GRIK2: variants seen among roughly 807,000 people sequenced by gnomAD.
GRIK2 encodes glutamate ionotropic receptor kainate type subunit 2.
A neutral mutation model predicts 100.3 loss-of-function variants in GRIK2; 32 were observed. The ratio of observed to expected loss-of-function variants is 0.32; its 90% CI spans 0.24 to 0.43. GRIK2 has a LOEUF of 0.43. Among genes scored for constraint, GRIK2 ranks in the 20% least tolerant of loss-of-function variants. The pLI, the probability that GRIK2 is intolerant of heterozygous loss-of-function variation, is 1.00. For missense variants in GRIK2, 843 were observed against 1,114.9 expected, an observed-to-expected ratio of 0.76 and a Z score of 3.47; for synonymous variants, 417 against 389.4, an observed-to-expected ratio of 1.07 and a Z score of -0.83.
At chr6:101,811,403 C>T (rs1446607630) in intron 9 of GRIK2, among the ~76,000 whole-genome samples, 2 of 151,858 alleles carry the variant, frequency 1.3e-5, no homozygotes, top group African/African-American at 2.4e-5. Flanking sequence ...CTTCTTTTTC[C>T]ATCTACCAAC....
chr6:101,398,998 G>A lies in GRIK2; in HGVS notation c.-280G>A. On this transcript the variant is annotated 5_prime_UTR_variant, in exon 2 of 17. Coordinates refer to ENST00000369134, the MANE Select transcript of GRIK2 (RefSeq NM_021956.5). ...CTGCTTTCACAGGCTCGCGCGGCCG[G>A]ACATTGTGGGTGTGCGTGCTGGATT... 1 of 428,070 alleles carries A rather than the reference G, an allele frequency of 2.3e-6. No individual in the cohort carries two copies. The highest frequency in any genetic ancestry group is 4.2e-5 in the Admixed American group (1 of 23,638). The allele number at this position is 428,070 out of a possible 1,614,324, so 26.5% of individuals were successfully genotyped here. A position where few individuals can be genotyped will look rare whatever the true frequency, so the allele number is the denominator to read the frequency against.
intron 14 of GRIK2, among the ~76,000 whole-genome samples, chr6:102,016,286 T>A (rs1429529581): frequency 4.6e-5 from 7 of 152,044 alleles, no homozygotes; most frequent in Admixed American, 3.9e-4. Context: ...ATAGCCAGTA[T>A]AGAAAAAGAA....
chr6:102,067,247 T>C (rs1174913047), intron 16 of GRIK2, among the ~76,000 whole-genome samples: 2 of 151,772 alleles, frequency 1.3e-5, no homozygotes, highest in East Asian at 3.9e-4. Flanking sequence ...ATATTTATTA[T>C]TTTTGCAATG....
intron 4 of GRIK2, among the ~76,000 whole-genome samples, chr6:101,633,704 C>T (rs901949674): frequency 1.3e-5 from 2 of 152,076 alleles, no homozygotes; most frequent in Non-Finnish European, 2.9e-5. Context: ...TCAAGTTAAT[C>T]ATTTTAGATT....
At chr6:101,857,250 T>C (rs1400588421) in intron 10 of GRIK2, among the ~76,000 whole-genome samples, 1 of 152,086 alleles carries the variant, frequency 6.6e-6, no homozygotes, top group African/African-American at 2.4e-5. Context: ...GTCATCAGGG[T>C]ACAGTCCAGC....
At chr6:101,735,596 C>A (rs897239009) in intron 7 of GRIK2, among the ~76,000 whole-genome samples, 18 of 152,126 alleles carry the variant, frequency 1.2e-4, no homozygotes, top group African/African-American at 4.3e-4. Context: ...AACATCAGAC[C>A]TCGTGAGACT....
intron 4 of GRIK2, among the ~76,000 whole-genome samples, chr6:101,654,051 C>T (rs1781943363): frequency 6.6e-6 from 1 of 152,166 alleles, no homozygotes; most frequent in South Asian, 2.1e-4. Context: ...CTCTATCATC[C>T]TGGTATTCTT....
At chr6:101,788,621 T>C (rs998347775) in intron 7 of GRIK2, among the ~76,000 whole-genome samples, 1 of 152,210 alleles carries the variant, frequency 6.6e-6, no homozygotes, top group African/African-American at 2.4e-5. Flanking sequence ...TGTTGGACAT[T>C]TGGGTTGGAT....
intron 6 of GRIK2, among the ~76,000 whole-genome samples, chr6:101,685,731 T>C (rs974838077): frequency 3.9e-5 from 6 of 152,170 alleles, no homozygotes; most frequent in South Asian, 2.1e-4. Context: ...AGTTAGAAGC[T>C]GTATTTTGTG....
chr6:102,030,693 C>T (rs764930977), intron 14 of GRIK2, among the ~76,000 whole-genome samples: 5 of 151,186 alleles, frequency 3.3e-5, no homozygotes, highest in Non-Finnish European at 5.9e-5. Flanking sequence ...ACTCTTTTTA[C>T]GTTTCAGCCT....
intron 10 of GRIK2, among the ~76,000 whole-genome samples, chr6:101,856,548 A>G (rs1784435280): frequency 6.6e-6 from 1 of 152,146 alleles, no homozygotes; most frequent in Non-Finnish European, 1.5e-5. Flanking sequence ...TTAAGAAAAA[A>G]GGTTAGAGCT....
intron 10 of GRIK2, among the ~76,000 whole-genome samples, chr6:101,857,132 G>A (rs1367631303): frequency 6.6e-6 from 1 of 152,092 alleles, no homozygotes; most frequent in Non-Finnish European, 1.5e-5. Context: ...AAAATGGTGT[G>A]GGGACAGCAA....
intron 12 of GRIK2, among the ~76,000 whole-genome samples, chr6:101,906,556 T>C (rs1213223688): frequency 2.6e-5 from 4 of 151,570 alleles, no homozygotes; most frequent in Non-Finnish European, 5.9e-5. Flanking sequence ...AGGACAAATG[T>C]ACATGGGAAG....
intron 7 of GRIK2, among the ~76,000 whole-genome samples, chr6:101,776,004 G>A (rs1426893086): frequency 6.6e-6 from 1 of 152,048 alleles, no homozygotes; most frequent in Non-Finnish European, 1.5e-5. Context: ...AAAAACATAA[G>A]TCATAAGCAG....
At chr6:101,788,417 T>C (rs1707914163) in intron 7 of GRIK2, among the ~76,000 whole-genome samples, 1 of 151,822 alleles carries the variant, frequency 6.6e-6, no homozygotes, top group Non-Finnish European at 1.5e-5. Context: ...TGTCCATGTG[T>C]TCTCATTGTT....
At chr6:101,562,811 A>G (rs1314827820) in intron 2 of GRIK2, among the ~76,000 whole-genome samples, 1 of 152,190 alleles carries the variant, frequency 6.6e-6, no homozygotes, top group Non-Finnish European at 1.5e-5. Context: ...CTTTTTCAAG[A>G]CAACACTTTT....
At chr6:101,707,472 AATATATAAATAT>A (rs1217596690) in intron 7 of GRIK2, among the ~76,000 whole-genome samples, 1 of 146,346 alleles carries the variant, frequency 6.8e-6, no homozygotes, top group Non-Finnish European at 1.5e-5. Context: ...TATTATATAT[AATATATAAATAT>A]ATATATAAAT....
intron 7 of GRIK2, among the ~76,000 whole-genome samples, chr6:101,704,982 T>A (rs2042206231): frequency 7.6e-6 from 1 of 131,782 alleles, no homozygotes; most frequent in South Asian, 2.1e-4. Flanking sequence ...ATTTATATTA[T>A]ATATTTATAT....
chr6:101,746,472 A>G (rs1416076631), intron 7 of GRIK2, among the ~76,000 whole-genome samples: 2 of 152,088 alleles, frequency 1.3e-5, no homozygotes, highest in African/African-American at 4.8e-5. Context: ...GATAACAGGC[A>G]TGTTCCACCA....
Sources: gnomAD v4.1 joint callset for allele counts (sites outside exome capture counted in the v4.1 genomes callset) on GRCh38, gnomAD v4.1.1 for gene constraint, MANE v1.5 for transcripts, NCBI Gene and HGNC (gene_info 2026-07-23, HGNC 2026-07-21) for gene names.